DAB1: variants seen among roughly 807,000 people sequenced by gnomAD.
DAB1 encodes the protein disabled homolog 1.
Under a neutral mutation model 64.6 loss-of-function variants are expected in DAB1, and 15 were observed. The ratio of observed to expected loss-of-function variants is 0.23; its 90% CI spans 0.16 to 0.36. DAB1 has a LOEUF of 0.36. Among genes scored for constraint, DAB1 ranks in the 10% least tolerant of loss-of-function variants. DAB1 has a pLI of 1.00. For missense variants in DAB1, 596 were observed against 706.7 expected (o/e 0.84, Z 1.78); for synonymous variants, 235 against 251.9 (o/e 0.93, Z 0.64).
At chr1:58,162,991 C>A (rs569937022) in intron 4 of DAB1, among the ~76,000 whole-genome samples, 37 of 152,240 alleles carry the variant, frequency 2.4e-4, no homozygotes, top group African/African-American at 7.7e-4. Flanking sequence ...GGACAGGGTG[C>A]TGCTAAACAT....
chr1:57,017,659 G>A (rs76642632), intron 11 of DAB1, among the ~76,000 whole-genome samples: 49 of 152,120 alleles, frequency 3.2e-4, no homozygotes, highest in Non-Finnish European at 1.6e-4. Flanking sequence ...ACACTTCTGC[G>A]GAATAAAACA....
intron 4 of DAB1, among the ~76,000 whole-genome samples, chr1:58,233,113 T>C (rs1659856718): frequency 6.6e-6 from 1 of 152,340 alleles, no homozygotes. Flanking sequence ...AATGCTTATA[T>C]GCTTGCTCTT....
intron 2 of DAB1, among the ~76,000 whole-genome samples, chr1:57,238,224 C>T (rs1668235397): frequency 6.6e-6 from 1 of 152,194 alleles, no homozygotes; most frequent in African/African-American, 2.4e-5. Flanking sequence ...TGTGCCCTGC[C>T]TGAGACCTCC....
chr1:58,449,760 C>A (rs1408126987), intron 3 of DAB1, among the ~76,000 whole-genome samples: 1 of 152,148 alleles, frequency 6.6e-6, no homozygotes, highest in African/African-American at 2.4e-5. Context: ...CGGCTGTTTC[C>A]TTACAGATCC....
intron 1 of DAB1, among the ~76,000 whole-genome samples, chr1:57,351,472 C>T (rs1678585794): frequency 6.6e-6 from 1 of 152,048 alleles, no homozygotes; most frequent in Admixed American, 6.6e-5. Flanking sequence ...TCAGGAAGAA[C>T]TCAGAATTCC....
In DAB1 at chr1:57,836,826, G is replaced by A. The variant is rs185831145; in HGVS notation, n.88-10371C>T. On this transcript the variant is annotated intron_variant and non_coding_transcript_variant, in intron 1 of 1. Transcript: ENST00000477280. ...ATCTCCCTACTAAAAAAGAAAAGCC[G>A]AAATATGCCCTGATCTGTGGCATAC... Among the ~76,000 whole-genome samples the A allele has an allele frequency of 7.2e-5, 11 of 152,210 alleles. No individual in the cohort carries two copies. The East Asian group carries it at 7.7e-4, about 11-fold the overall frequency.
intron 5 of DAB1, among the ~76,000 whole-genome samples, chr1:57,929,385 T>C (rs1229437808): frequency 2.0e-5 from 3 of 152,344 alleles, no homozygotes; most frequent in South Asian, 2.1e-4. Flanking sequence ...TTTCTTTCAG[T>C]CCATGTTTTG....
At chr1:57,786,107 C>T (rs1650324875) in intron 6 of DAB1, among the ~76,000 whole-genome samples, 1 of 152,130 alleles carries the variant, frequency 6.6e-6, no homozygotes, top group African/African-American at 2.4e-5. Context: ...TTCTGATGAA[C>T]ATTCACGGTT....
chr1:58,512,318 T>C (rs1038695375), intron 2 of DAB1, among the ~76,000 whole-genome samples: 1 of 152,176 alleles, frequency 6.6e-6, no homozygotes, highest in Admixed American at 6.5e-5. Context: ...TAAAATGGTG[T>C]GGACTTTATG....
At chr1:58,249,661 C>A (rs1660708973) in intron 4 of DAB1, among the ~76,000 whole-genome samples, 1 of 152,166 alleles carries the variant, frequency 6.6e-6, no homozygotes, top group African/African-American at 2.4e-5. Context: ...AGTCTCGACG[C>A]TGCCCAGCCA....
At chr1:57,889,832 G>T (rs1644279533) in intron 5 of DAB1, among the ~76,000 whole-genome samples, 1 of 147,558 alleles carries the variant, frequency 6.8e-6, no homozygotes, top group African/African-American at 2.5e-5. Flanking sequence ...AGTCTATGTG[G>T]GTGAGCTTGC....
intron 9 of DAB1, among the ~76,000 whole-genome samples, chr1:57,050,725 T>C (rs1649102388): frequency 6.6e-6 from 1 of 152,232 alleles, no homozygotes; most frequent in South Asian, 2.1e-4. Context: ...CCCTTGATTA[T>C]ATGAATCACA....
chr1:57,818,523 G>A (rs1651972282), intron 6 of DAB1, among the ~76,000 whole-genome samples: 1 of 151,966 alleles, frequency 6.6e-6, no homozygotes, highest in Non-Finnish European at 1.5e-5. Flanking sequence ...GCTAATAATT[G>A]TAATTATTAT....
At chr1:57,665,083 T>C (rs1401848347) in intron 6 of DAB1, among the ~76,000 whole-genome samples, 1 of 152,052 alleles carries the variant, frequency 6.6e-6, no homozygotes, top group East Asian at 1.9e-4. Context: ...CCAAACATCA[T>C]TCTGAAAAAG....
At chr1:58,490,162 C>A (rs890898147) in intron 3 of DAB1, among the ~76,000 whole-genome samples, 2 of 152,084 alleles carry the variant, frequency 1.3e-5, no homozygotes, top group Admixed American at 6.6e-5. Context: ...GGAGGAAGTT[C>A]GAACCCATGG....
chr1:58,343,291 G>GGATGGATA, intron 4 of DAB1: 1 of 145,582 alleles, frequency 6.9e-6, no homozygotes, highest in South Asian at 2.1e-4. Context: ...ATGGATAGAT[G>GGATGGATA]GATGGAGAAA....
chr1:57,304,354 C>T (rs2100709887), intron 1 of DAB1, among the ~76,000 whole-genome samples: 1 of 151,810 alleles, frequency 6.6e-6, no homozygotes, highest in South Asian at 2.1e-4. Flanking sequence ...AGTCACCTCC[C>T]ACCAGGCCCC....
chr1:57,195,256 C>G (rs1664528977), intron 2 of DAB1, among the ~76,000 whole-genome samples: 1 of 152,132 alleles, frequency 6.6e-6, no homozygotes, highest in South Asian at 2.1e-4. Context: ...ATATAAGGTT[C>G]AACATGATTT....
chr1:58,241,234 G>A (rs1660281009), intron 4 of DAB1, among the ~76,000 whole-genome samples: 1 of 152,056 alleles, frequency 6.6e-6, no homozygotes, highest in African/African-American at 2.4e-5. Flanking sequence ...TAGTCATCTT[G>A]AAACTTTTTT....
Sources: allele counts gnomAD v4.1 joint callset (sites outside exome capture counted in the v4.1 genomes callset), GRCh38; gene constraint gnomAD v4.1.1; transcripts MANE v1.5; gene names NCBI Gene and HGNC (gene_info 2026-07-23, HGNC 2026-07-21).